Variants in MEIS2 observed in about 807,000 individuals in gnomAD.
The protein encoded by MEIS2 is Meis homeobox 2.
Under a neutral mutation model 58.6 loss-of-function variants are expected in MEIS2, and 9 were observed. The observed-to-expected ratio is 0.15, with a 90% CI of 0.09 to 0.27. The LOEUF is 0.27. MEIS2 is among the 10% of genes least tolerant of loss of function. The probability of loss-of-function intolerance (pLI) is 1.00; values close to 1 mark genes in which losing one functional copy is unlikely to be tolerated. For missense variants in MEIS2, 427 were observed against 635.0 expected, an observed-to-expected ratio of 0.67 and a Z score of 3.52; for synonymous variants, 221 against 228.4, an observed-to-expected ratio of 0.97 and a Z score of 0.29.
chr15:36,923,653 C>T (rs1009803020), intron 9 of MEIS2, among the ~76,000 whole-genome samples: 22 of 152,212 alleles, frequency 1.4e-4, no homozygotes, highest in Admixed American at 1.3e-3. Flanking sequence ...ATAGATCATG[C>T]GCTCTGCAGA....
In MEIS2 at chr15:37,098,097, G is replaced by T; in HGVS notation, c.115C>A (p.Leu39Met). Residue 39 changes from leucine to methionine, a missense_variant, in exon 2 of 12, where the codon CTG (leucine) becomes ATG (methionine). Transcript: ENST00000561208. ...APRPIPPVHH[L>M]NHGPPLHATQ... ...GCGTGGAGCGGCGGCCCGTGGTTCAGGTGGTGAACCGGGGGGATCGGCCGC... is the reference window on the plus strand; with the variant it reads ...GCGTGGAGCGGCGGCCCGTGGTTCATGTGGTGAACCGGGGGGATCGGCCGC... 6.2e-7 allele frequency: 1 copy of T among 1,613,854 alleles called. No individual in the cohort carries two copies. The highest frequency in any genetic ancestry group is 1.1e-5 in the South Asian group (1 of 91,020).
rs1258457335 is a variant in MEIS2 at position 37,083,882 on chromosome 15, G to C, written c.643C>G (p.Pro215Ala). The C allele has an allele frequency of 5.6e-6, 9 of 1,613,640 alleles. No homozygotes were observed. The highest frequency in any genetic ancestry group is 7.6e-6 in the Non-Finnish European group (9 of 1,179,762). ...TCATCGTGGTCTCGCCAAGAAGAAG[G>C]GTTCTGATGTCAGGATACCAAGGAA... Reference protein sequence around the residue: ...GSSTNLADHNPSSWRDHDDAT... With the variant: ...GSSTNLADHNASSWRDHDDAT... The change falls in exon 7 of 12, where the codon CCT (proline) becomes GCT (alanine). Residue 215 changes from proline to alanine, a missense_variant. Physicochemically the swap from Pro to Ala is conservative, Grantham distance 27. Transcript: ENST00000561208.
rs141140681 is a variant in MEIS2 at position 36,948,638 on chromosome 15, C to T, written c.977+1686G>A. 7.6e-3 allele frequency among the ~76,000 whole-genome samples: 1,156 copies of T among 152,046 alleles called. 45 individuals carry two copies. Among genetic ancestry groups the T allele is most frequent in the East Asian group, 0.072 (371 of 5,166 alleles). On this transcript the variant is annotated intron_variant, in intron 9 of 11. Transcript: ENST00000561208. ...TCATGGACCAATGTGTATATATTAG[C>T]TCAGTCTGGTAATCAGTATGCTATA... is the stretch of plus-strand genomic sequence containing the variant.
intron 8 of MEIS2, among the ~76,000 whole-genome samples, chr15:36,990,979 T>C (rs1199516122): frequency 1.3e-5 from 2 of 152,174 alleles, no homozygotes; most frequent in African/African-American, 4.8e-5. Context: ...GCCTCTTTAT[T>C]TTCTGTGAGT....
chr15:36,976,747 C>G (rs2059772966), intron 8 of MEIS2, among the ~76,000 whole-genome samples: 3 of 151,994 alleles, frequency 2.0e-5, no homozygotes, highest in Non-Finnish European at 2.9e-5. Flanking sequence ...TGGAGACATG[C>G]AATTCAATAT....
Position 36,892,283 on chromosome 15 carries a change from C to G in MEIS2, c.1324G>C (p.Gly442Arg), listed in dbSNP as rs201588285. The G allele has an allele frequency of 6.2e-7, 1 of 1,613,806 alleles. No individual in the cohort carries two copies. Among genetic ancestry groups the G allele is most frequent in the Non-Finnish European group, 8.5e-7 (1 of 1,179,928 alleles). The change falls in exon 12 of 12, where the codon GGA becomes CGA. Residue 442 changes from glycine (G) to arginine (R), a missense_variant. Gly to Arg is a moderately radical substitution (Grantham distance 125, BLOSUM62 -2). Coordinates refer to ENST00000561208, the MANE Select transcript of MEIS2 (RefSeq NM_170675.5). ...HPHHPAMMMH[G>R]GPPTHPGMTM... ...ATTCCAGGGTGGGTAGGGGGTCCTC[C>G]GTGCATCATCATGGCTGGGTGGTGG...
chr15:36,974,876 A>T (rs977592533), intron 8 of MEIS2, among the ~76,000 whole-genome samples: 1 of 152,250 alleles, frequency 6.6e-6, no homozygotes, highest in African/African-American at 2.4e-5. Flanking sequence ...CATTTCAATC[A>T]GTGCAAAATG....
At chr15:36,999,274 G>A (rs1045578074) in intron 8 of MEIS2, among the ~76,000 whole-genome samples, 2 of 152,082 alleles carry the variant, frequency 1.3e-5, no homozygotes, top group African/African-American at 2.4e-5. Context: ...CAGACACTGG[G>A]CATACAGCAA....
chr15:37,020,721 G>A (rs79802964), intron 8 of MEIS2, among the ~76,000 whole-genome samples: 18,979 of 139,634 alleles, frequency 0.14, 1,264 homozygotes, highest in East Asian at 0.22. Flanking sequence ...AACTTGCCTC[G>A]TTGCCCTCAT....
intron 9 of MEIS2, among the ~76,000 whole-genome samples, chr15:36,902,366 T>C (rs756639469): frequency 1.3e-5 from 2 of 152,172 alleles, no homozygotes; most frequent in Non-Finnish European, 2.9e-5. Context: ...AAATGTACAA[T>C]GCTATGGTGG....
chr15:36,890,773 AG>A lies in MEIS2; in HGVS notation c.*1399del, dbSNP rs896994815. On this transcript the variant is annotated 3_prime_UTR_variant, in exon 12 of 12. Transcript: ENST00000561208. ...TTTTAACGTCATGCATCTAAAAAGG[AG>A]GTTGAGCATGTTCAAGGGGATCTTT... 18 of 152,324 alleles carry A rather than the reference AG, an allele frequency of 1.2e-4. No individual in the cohort carries two copies. Among genetic ancestry groups the A allele is most frequent in the African/African-American group, 4.3e-4 (18 of 41,586 alleles). 9.4% of individuals were successfully genotyped at this position (152,324 alleles called of 1,614,324 possible). A position where few individuals can be genotyped will look rare whatever the true frequency, so the allele number is the denominator to read the frequency against.
rs544168502 is a variant in MEIS2 at position 36,928,255 on chromosome 15, G to A, written c.977+22069C>T. ...ATTTATTAATCTCCTACCATATGCA[G>A]AAAAATGTACAGGGTTTTTCCAGGA... is the stretch of plus-strand genomic sequence containing the variant. On this transcript the variant is annotated intron_variant, in intron 9 of 11. Transcript: ENST00000561208. Among the ~76,000 whole-genome samples, 23 of 152,286 alleles carry A rather than the reference G, an allele frequency of 1.5e-4. No homozygotes were observed. The Middle Eastern group carries it at 0.01, about 68-fold the overall frequency.
At chr15:37,097,739 T>C (rs550895398) in intron 2 of MEIS2, among the ~76,000 whole-genome samples, 12 of 151,960 alleles carry the variant, frequency 7.9e-5, no homozygotes, top group African/African-American at 2.9e-4. Context: ...GGCTGTGGGG[T>C]CTGGAGTGGT....
chr15:37,021,445 T>C (rs2061524324), intron 8 of MEIS2, among the ~76,000 whole-genome samples: 1 of 152,236 alleles, frequency 6.6e-6, no homozygotes, highest in South Asian at 2.1e-4. Context: ...CCCCTACTTT[T>C]GAAAACTCCA....
rs1423841974 is a variant in MEIS2, at chr15:36,891,847, T to C, written c.*326A>G. Reference sequence around the variant, plus strand: ...AACAAGGATATATTTTTTTTTCTCTTCTAAAACTATTTGAGGCAACATAAC... The same window carrying C: ...AACAAGGATATATTTTTTTTTCTCTCCTAAAACTATTTGAGGCAACATAAC... On this transcript the variant is annotated 3_prime_UTR_variant, in exon 12 of 12. Coordinates refer to ENST00000561208, the MANE Select transcript of MEIS2 (RefSeq NM_170675.5). 1.2e-5 allele frequency: 4 copies of C among 346,200 alleles called. No individual in the cohort carries two copies. In the East Asian group the frequency reaches 2.0e-4, roughly 17 times the overall value. 21.4% of individuals were successfully genotyped at this position (346,200 alleles called of 1,614,324 possible).
At chr15:37,048,705 T>G (rs1416498384) in intron 7 of MEIS2, among the ~76,000 whole-genome samples, 3 of 152,106 alleles carry the variant, frequency 2.0e-5, no homozygotes, top group Non-Finnish European at 4.4e-5. Context: ...AATAACTCTT[T>G]ATCTTAAAAG....
intron 8 of MEIS2, among the ~76,000 whole-genome samples, chr15:36,957,755 T>A (rs1375223299): frequency 6.6e-6 from 1 of 152,220 alleles, no homozygotes; most frequent in Non-Finnish European, 1.5e-5. Flanking sequence ...ACAGAACAAG[T>A]GTTCAATACA....
rs139805854 is a variant in MEIS2, at chr15:36,928,047, C to T, written c.977+22277G>A. 9.5e-3 allele frequency among the ~76,000 whole-genome samples: 1,440 copies of T among 152,204 alleles called. 12 individuals carry two copies. The highest frequency in any genetic ancestry group is 0.037 in the Middle Eastern group (11 of 294). ...ACCATCATTTAGAAGCCATGAAGTGCTCAAATTACCAGAGGCATTTGTCTT... is the reference window on the plus strand; with the variant it reads ...ACCATCATTTAGAAGCCATGAAGTGTTCAAATTACCAGAGGCATTTGTCTT... On this transcript the variant is annotated intron_variant, in intron 9 of 11. Transcript: ENST00000561208.
chr15:37,090,832 A>G (rs1893427286), intron 6 of MEIS2, among the ~76,000 whole-genome samples: 3 of 152,192 alleles, frequency 2.0e-5, no homozygotes, highest in Non-Finnish European at 4.4e-5. Flanking sequence ...AGCTGTCATT[A>G]TTCATAGCCA....
Sources: gnomAD v4.1 joint callset for allele counts (sites outside exome capture counted in the v4.1 genomes callset) on GRCh38, gnomAD v4.1.1 for gene constraint, MANE v1.5 for transcripts, NCBI Gene and HGNC (gene_info 2026-07-23, HGNC 2026-07-21) for gene names.